C3orf20: variants seen among roughly 807,000 people sequenced by gnomAD.
C3orf20 encodes the protein family with sequence similarity 149 member C, also known as uncharacterized protein C3orf20.
A neutral mutation model predicts 88.3 loss-of-function variants in C3orf20; 76 were observed. The ratio of observed to expected loss-of-function variants is 0.86; its 90% CI spans 0.72 to 1.04. C3orf20 has a LOEUF of 1.04. Ranked by LOEUF, C3orf20 falls within the 50% of genes least tolerant of loss-of-function variation. C3orf20 has a pLI of 0.00. For missense variants in C3orf20, 1,056 were observed against 1,123.3 expected, an observed-to-expected ratio of 0.94 and a Z score of 0.86; for synonymous variants, 436 against 437.4, an observed-to-expected ratio of 1.00 and a Z score of 0.04.
chr3:14,679,331 TG>T (rs1277120438), intron 1 of C3orf20, among the ~76,000 whole-genome samples: 1 of 152,132 alleles, frequency 6.6e-6, no homozygotes, highest in Non-Finnish European at 1.5e-5. Flanking sequence ...ATTGGATAAA[TG>T]GGAAGGAAGG....
chr3:14,731,896 C>T (rs1251773311), intron 12 of C3orf20, among the ~76,000 whole-genome samples: 1 of 152,150 alleles, frequency 6.6e-6, no homozygotes, highest in Non-Finnish European at 1.5e-5. Flanking sequence ...TCCATTCAAC[C>T]ACTGAAAGAC....
chr3:14,737,707 T>C (rs1047397840), intron 12 of C3orf20, among the ~76,000 whole-genome samples: 1 of 152,244 alleles, frequency 6.6e-6, no homozygotes, highest in Non-Finnish European at 1.5e-5. Flanking sequence ...GCCACATTAA[T>C]TAATTTTTCC....
In C3orf20 at chr3:14,704,543, A is replaced by C. The variant is rs375688288; in HGVS notation, c.1085A>C (p.His362Pro). The C allele has an allele frequency of 6.2e-7, 1 of 1,614,022 alleles. No homozygotes were observed. Among genetic ancestry groups the C allele is most frequent in the Non-Finnish European group, 8.5e-7 (1 of 1,180,004 alleles). ...PSSANHHFSQ[H>P]CQEGKAPKKA... Reference sequence around the variant, plus strand: ...TCTGCCAACCATCATTTCAGTCAGCATTGTCAAGAGGGGAAGGCACCCAAG... The same window carrying C: ...TCTGCCAACCATCATTTCAGTCAGCCTTGTCAAGAGGGGAAGGCACCCAAG... The change falls in exon 7 of 17, where the codon CAT becomes CCT. Residue 362 changes from histidine to proline, a missense_variant. Transcript: ENST00000253697.
At position 14,772,884 on chromosome 3, in the gene C3orf20, T is replaced by C; in HGVS notation, c.*9T>C. Reference sequence around the variant, plus strand: ...AGGCCTCCAAGAAGTAGCGCCATCCTGGCAGCAGCCAAGTGAGCCAGGCCC... The same window carrying C: ...AGGCCTCCAAGAAGTAGCGCCATCCCGGCAGCAGCCAAGTGAGCCAGGCCC... On this transcript the variant is annotated 3_prime_UTR_variant, in exon 17 of 17. Coordinates refer to ENST00000253697, the MANE Select transcript of C3orf20 (RefSeq NM_032137.5). This position sits in a 1 kb window ranked among gnomAD's most constrained non-coding sequence, Gnocchi z 4.2. 1.2e-6 allele frequency: 2 copies of C among 1,612,182 alleles called. No individual in the cohort carries two copies. The highest frequency in any genetic ancestry group is 1.7e-6 in the Non-Finnish European group (2 of 1,178,578).
At chr3:14,748,109 T>C (rs2035110357) in intron 12 of C3orf20, among the ~76,000 whole-genome samples, 1 of 152,040 alleles carries the variant, frequency 6.6e-6, no homozygotes, top group African/African-American at 2.4e-5. Flanking sequence ...GTTCCAGGCT[T>C]TTCTTGGGGG....
At chr3:14,766,234 T>C (rs1256090787) in intron 15 of C3orf20, among the ~76,000 whole-genome samples, 2 of 152,218 alleles carry the variant, frequency 1.3e-5, no homozygotes, top group Admixed American at 6.5e-5. Context: ...AGGGCAGCCC[T>C]GTGCGGGGCG....
chr3:14,696,379 T>TTATTAC (rs1480608799), intron 5 of C3orf20, among the ~76,000 whole-genome samples: 1 of 147,300 alleles, frequency 6.8e-6, no homozygotes, highest in Admixed American at 6.8e-5. Context: ...ATCATTATTA[T>TTATTAC]TATTATTATT....
At chr3:14,742,230 A>G (rs1048279699) in intron 12 of C3orf20, among the ~76,000 whole-genome samples, 3 of 152,258 alleles carry the variant, frequency 2.0e-5, no homozygotes, top group Non-Finnish European at 4.4e-5. Flanking sequence ...TAGTAGGGAA[A>G]AGAGAATTTT....
intron 12 of C3orf20, among the ~76,000 whole-genome samples, chr3:14,730,117 T>G (rs1334953825): frequency 6.6e-6 from 1 of 152,228 alleles, no homozygotes; most frequent in East Asian, 1.9e-4. Flanking sequence ...TTTTATTGTT[T>G]TCTAAAACCT....
chr3:14,760,764 C>T (rs2035536773), intron 14 of C3orf20, among the ~76,000 whole-genome samples: 1 of 152,050 alleles, frequency 6.6e-6, no homozygotes, highest in African/African-American at 2.4e-5. Flanking sequence ...TTCCCACCAT[C>T]ATGCCCGGCT....
intron 1 of C3orf20, among the ~76,000 whole-genome samples, chr3:14,677,356 G>A (rs976573509): frequency 1.3e-5 from 2 of 152,072 alleles, no homozygotes; most frequent in African/African-American, 4.8e-5. Flanking sequence ...GGGTACCCTT[G>A]ATTTTCCTGA....
intron 10 of C3orf20, 105 bp downstream of exon 10, chr3:14,721,889 C>G: frequency 7.0e-7 from 1 of 1,424,452 alleles, no homozygotes; most frequent in Non-Finnish European, 9.6e-7. Context: ...ACCACCCTTC[C>G]ATGCAAGGCC....
intron 14 of C3orf20, among the ~76,000 whole-genome samples, chr3:14,761,243 G>C (rs1357730333): frequency 6.8e-6 from 1 of 147,122 alleles, no homozygotes; most frequent in East Asian, 2.2e-4. Context: ...CCAGATCATA[G>C]GGCAACCCCA....
At chr3:14,685,781 T>C (rs954108382) in intron 4 of C3orf20, among the ~76,000 whole-genome samples, 13 of 152,128 alleles carry the variant, frequency 8.5e-5, no homozygotes, top group Non-Finnish European at 1.9e-4. Flanking sequence ...ATTTGTCTTT[T>C]TTTTCTGGCT....
At chr3:14,771,213 C>G (rs1024347905) in intron 15 of C3orf20, among the ~76,000 whole-genome samples, 9 of 152,258 alleles carry the variant, frequency 5.9e-5, no homozygotes, top group African/African-American at 2.2e-4. Flanking sequence ...TGCAGCAGGT[C>G]CTCACCAGGC....
At chr3:14,685,832 T>C (rs946974672) in intron 4 of C3orf20, among the ~76,000 whole-genome samples, 6 of 151,874 alleles carry the variant, frequency 4.0e-5, no homozygotes, top group Non-Finnish European at 7.4e-5. Context: ...GGTTCACTTA[T>C]GTTGTAGCAA....
intron 7 of C3orf20, among the ~76,000 whole-genome samples, chr3:14,712,626 T>C (rs936125944): frequency 8.5e-5 from 13 of 152,188 alleles, no homozygotes; most frequent in Admixed American, 8.5e-4. Flanking sequence ...TTAACATAGG[T>C]TTACAATTAC....
intron 8 of C3orf20, among the ~76,000 whole-genome samples, 155 bp downstream of exon 8, chr3:14,714,314 G>A (rs1411981919): frequency 1.3e-5 from 2 of 152,142 alleles, no homozygotes; most frequent in Admixed American, 6.5e-5. Context: ...GGCTGTTTCT[G>A]CAGGGACATA....
intron 8 of C3orf20, 146 bp from the exon 9 acceptor site, chr3:14,715,143 A>G: frequency 1.0e-6 from 1 of 960,640 alleles, no homozygotes; most frequent in Non-Finnish European, 1.5e-6. Context: ...GACCATAGCA[A>G]GTGGGGAAAG....
Sources: allele counts gnomAD v4.1 joint callset (sites outside exome capture counted in the v4.1 genomes callset), GRCh38; gene constraint gnomAD v4.1.1; non-coding constraint Gnocchi (gnomAD v3.1); transcripts MANE v1.5; gene names NCBI Gene and HGNC (gene_info 2026-07-23, HGNC 2026-07-21).